GLT1D1: variants seen among roughly 807,000 people sequenced by gnomAD.
GLT1D1 encodes glycosyltransferase 1 domain containing 1, also known as glycosyltransferase 1 domain-containing protein 1.
GLT1D1 carries 21 observed loss-of-function variants against 28.7 expected under a neutral mutation model. The observed-to-expected ratio is 0.73, with a 90% confidence interval of 0.52 to 1.05. The LOEUF (loss-of-function observed/expected upper bound fraction) is 1.05. GLT1D1 is among the 50% of genes least tolerant of loss of function. The pLI, the probability that GLT1D1 is intolerant of heterozygous loss-of-function variation, is 0.00. For missense variants in GLT1D1, 343 were observed against 330.6 expected, an observed-to-expected ratio of 1.04 and a Z score of -0.29; for synonymous variants, 147 against 124.8, an observed-to-expected ratio of 1.18 and a Z score of -1.19.
At chr12:128,975,955 T>G (rs866842593) in intron 7 of GLT1D1, among the ~76,000 whole-genome samples, 2 of 152,206 alleles carry the variant, frequency 1.3e-5, no homozygotes, top group Middle Eastern at 3.2e-3. Context: ...CAGGAGCTAC[T>G]GGGAGAACAA....
rs192323185 is a variant in GLT1D1, at chr12:128,856,034, G to A, written c.68+2385G>A. 1.6e-4 allele frequency among the ~76,000 whole-genome samples: 25 copies of A among 152,266 alleles called. No individual in the cohort carries two copies. The East Asian group carries it at 4.3e-3, about 26-fold the overall frequency. On this transcript the variant is annotated intron_variant, in intron 1 of 7. Transcript: ENST00000281703. ...CCCAAAGTGCTAGGATTACAGGCATGAGCAACTTCGCCTGGCCTTGGTTGT... is the reference window on the plus strand; with the variant it reads ...CCCAAAGTGCTAGGATTACAGGCATAAGCAACTTCGCCTGGCCTTGGTTGT...
At position 128,971,540 on chromosome 12, in the gene GLT1D1, CCTT is replaced by C. The variant is rs553627056; in HGVS notation, c.640-11386_640-11384del. Among the ~76,000 whole-genome samples, 158 of 128,862 alleles carry C rather than the reference CCTT, an allele frequency of 1.2e-3. 2 individuals are homozygous for C. The Middle Eastern group carries it at 0.02, about 16-fold the overall frequency. The allele number at this position is 128,862 out of a possible 152,430, so 84.5% of individuals were successfully genotyped here. On this transcript the variant is annotated intron_variant, in intron 7 of 7. Coordinates refer to ENST00000281703, the MANE Select transcript of GLT1D1 (RefSeq NM_144669.3). ...TCTCTCCTTCTGTCCCTTTCTCTCTCCTTCTCTCTCTTCCTGTCTTTCTCCCTC... is the reference window on the plus strand; with the variant it reads ...TCTCTCCTTCTGTCCCTTTCTCTCTCCTCTCTCTTCCTGTCTTTCTCCCTC...
At chr12:128,870,571 G>A (rs558861747) in intron 1 of GLT1D1, among the ~76,000 whole-genome samples, 7 of 152,166 alleles carry the variant, frequency 4.6e-5, no homozygotes, top group South Asian at 2.1e-4. Flanking sequence ...AACATAGATC[G>A]ATTTAAAGGT....
chr12:128,939,873 G>A (rs1223489243), intron 4 of GLT1D1, among the ~76,000 whole-genome samples: 1 of 100,462 alleles, frequency 1.0e-5, no homozygotes, highest in Admixed American at 1.2e-4. Flanking sequence ...CCTCCTACCA[G>A]GCCCCACCTC....
At chr12:128,919,214 G>A (rs911375682) in intron 4 of GLT1D1, among the ~76,000 whole-genome samples, 10 of 152,186 alleles carry the variant, frequency 6.6e-5, no homozygotes, top group Admixed American at 2.0e-4. Flanking sequence ...TTGGAAACCT[G>A]TGACTGTGAT....
At chr12:128,895,085 A>G (rs1215189650) in intron 3 of GLT1D1, among the ~76,000 whole-genome samples, 1 of 152,006 alleles carries the variant, frequency 6.6e-6, no homozygotes, top group Non-Finnish European at 1.5e-5. Flanking sequence ...GCATCGTAAA[A>G]TGTCCCTGAT....
chr12:128,861,778 T>C (rs1314876052), intron 1 of GLT1D1, among the ~76,000 whole-genome samples: 2 of 149,558 alleles, frequency 1.3e-5, no homozygotes, highest in Non-Finnish European at 3.0e-5. Context: ...AAACATCCTT[T>C]GCATCCAAGG....
intron 4 of GLT1D1, among the ~76,000 whole-genome samples, chr12:128,926,143 C>T (rs944264590): frequency 8.0e-5 from 12 of 150,850 alleles, no homozygotes; most frequent in Middle Eastern, 3.4e-3. Flanking sequence ...TGAGCCGAGC[C>T]GAGATTGCAC....
chr12:128,873,361 T>G (rs1956747499), intron 1 of GLT1D1, among the ~76,000 whole-genome samples: 4 of 152,232 alleles, frequency 2.6e-5, no homozygotes, highest in Admixed American at 2.6e-4. Flanking sequence ...AGTGATCTAT[T>G]GCATTCTTTT....
intron 3 of GLT1D1, among the ~76,000 whole-genome samples, chr12:128,893,088 T>C (rs1869246321): frequency 6.6e-6 from 1 of 151,904 alleles, no homozygotes; most frequent in African/African-American, 2.4e-5. Context: ...TCACTAAAAA[T>C]ACAAAAATTA....
At chr12:128,888,770 T>A (rs1311596081) in intron 3 of GLT1D1, 26 bp downstream of exon 3, 1 of 1,372,300 alleles carries the variant, frequency 7.3e-7, no homozygotes, top group Non-Finnish European at 1.0e-6. Flanking sequence ...ATTTCATCCA[T>A]GCCAAACATT....
At position 128,973,442 on chromosome 12, in the gene GLT1D1, C is replaced by G. The variant is rs375715798; in HGVS notation, c.640-9487C>G. 2.6e-5 allele frequency among the ~76,000 whole-genome samples: 4 copies of G among 151,550 alleles called. No homozygotes were observed. In the East Asian group the frequency reaches 7.8e-4, roughly 30 times the overall value. On this transcript the variant is annotated intron_variant, in intron 7 of 7. Transcript: ENST00000281703. ...TCCTGACCTCAAGTGATCCACCCAC[C>G]TCGGCCTCCCAGAGTGTTGGGATGA...
intron 4 of GLT1D1, among the ~76,000 whole-genome samples, chr12:128,910,253 C>T (rs907875304): frequency 7.4e-6 from 1 of 135,286 alleles, no homozygotes; most frequent in African/African-American, 2.8e-5. Flanking sequence ...AGCTGAGATA[C>T]AAGTTTAACT....
chr12:128,876,126 G>A, intron 2 of GLT1D1, 64 bp downstream of exon 2: 1 of 1,412,072 alleles, frequency 7.1e-7, no homozygotes, highest in Non-Finnish European at 9.7e-7. Flanking sequence ...TGCCTGTAAT[G>A]TCCAATAACA....
chr12:128,859,709 T>C (rs1956310674), intron 1 of GLT1D1, among the ~76,000 whole-genome samples: 1 of 152,178 alleles, frequency 6.6e-6, no homozygotes, highest in Non-Finnish European at 1.5e-5. Flanking sequence ...ATGAGATTTG[T>C]GTGTAGTTGA....
chr12:128,928,300 T>C (rs1873494067), intron 4 of GLT1D1, among the ~76,000 whole-genome samples: 1 of 152,040 alleles, frequency 6.6e-6, no homozygotes, highest in African/African-American at 2.4e-5. Flanking sequence ...GACGTTCTGG[T>C]GGCCGTGACT....
chr12:128,928,881 C>T (rs1055235780), intron 4 of GLT1D1, among the ~76,000 whole-genome samples: 1 of 152,154 alleles, frequency 6.6e-6, no homozygotes, highest in Non-Finnish European at 1.5e-5. Flanking sequence ...CTCGACCTCA[C>T]AAAGTGCTGG....
chr12:128,894,809 C>T (rs1869445011), intron 3 of GLT1D1, among the ~76,000 whole-genome samples: 1 of 151,836 alleles, frequency 6.6e-6, no homozygotes, highest in Non-Finnish European at 1.5e-5. Context: ...GAGACTGTGC[C>T]ACTGCACTCC....
Position 128,957,577 on chromosome 12 carries a change from G to C in GLT1D1, c.573G>C (p.Arg191Ser). The change falls in exon 7 of 8, where the codon AGG becomes AGC. Residue 191 changes from arginine (R) to serine (S), a missense_variant. Physicochemically the swap from Arg to Ser is moderately radical, Grantham distance 110 (BLOSUM62 -1). Coordinates refer to ENST00000281703, the MANE Select transcript of GLT1D1 (RefSeq NM_144669.3). ...ATTTAGAAGTACCGGTATTGGCCAG[G>C]AACATCCCCGGGAATGCTGCCGTGG... 1 of 1,613,858 alleles carries C rather than the reference G, an allele frequency of 6.2e-7. No homozygotes were observed.
Sources: allele counts gnomAD v4.1 joint callset (sites outside exome capture counted in the v4.1 genomes callset), GRCh38; gene constraint gnomAD v4.1.1; transcripts MANE v1.5; gene names NCBI Gene and HGNC (gene_info 2026-07-23, HGNC 2026-07-21).